The following UBE2V1 variants were observed in gnomAD, a reference collection of about 807,000 sequenced individuals.
UBE2V1 encodes the protein ubiquitin-conjugating enzyme E2 variant 1.
In UBE2V1, 15 loss-of-function variants were observed where a neutral mutation model predicts 19.6. The ratio of observed to expected loss-of-function variants is 0.77; its 90% CI spans 0.51 to 1.18. The LOEUF (loss-of-function observed/expected upper bound fraction) is 1.18, where lower values mean the gene tolerates loss of function less well. Ranked by LOEUF, UBE2V1 falls within the 50% of genes most tolerant of loss-of-function variation. The probability of loss-of-function intolerance (pLI) is 0.00; values close to 1 mark genes in which losing one functional copy is unlikely to be tolerated. For synonymous variants in UBE2V1, 60 were observed against 60.7 expected, an observed-to-expected ratio of 0.99 and a Z score of 0.05; for missense variants, 125 against 184.8, an observed-to-expected ratio of 0.68 and a Z score of 1.88.
chr20:50,087,802 T>C (rs1428477522), intron 2 of UBE2V1, among the ~76,000 whole-genome samples: 2 of 152,180 alleles, frequency 1.3e-5, no homozygotes, highest in Non-Finnish European at 2.9e-5. Context: ...CAAGGGACTA[T>C]ATGAACATGG....
intron 2 of UBE2V1, 55 bp downstream of exon 2, chr20:50,096,617 A>G (rs2079642158): frequency 4.4e-6 from 7 of 1,607,636 alleles, no homozygotes; most frequent in Non-Finnish European, 5.9e-6. Context: ...ATTTTTTAAA[A>G]GGAGGCACAG....
chr20:50,086,051 A>G (rs1394673656), intron 2 of UBE2V1, among the ~76,000 whole-genome samples: 1 of 152,134 alleles, frequency 6.6e-6, no homozygotes, highest in Non-Finnish European at 1.5e-5. Context: ...AGCCAGACCA[A>G]CGTCTTAAAA....
Position 50,095,405 on chromosome 20 carries a change from G to A in UBE2V1, c.171+1267C>T, listed in dbSNP as rs1227470913. Reference sequence around the variant, plus strand: ...ATTCTGGTTTTCACAGGAAAAAAAGGATAAAGAAATGAGTAAAAACAGATC... The same window carrying A: ...ATTCTGGTTTTCACAGGAAAAAAAGAATAAAGAAATGAGTAAAAACAGATC... On this transcript the variant is annotated intron_variant, in intron 2 of 3. Coordinates refer to ENST00000371674, the MANE Select transcript of UBE2V1 (RefSeq NM_001032288.3). 4 of 152,238 alleles carry A rather than the reference G, an allele frequency of 2.6e-5. No individual in the cohort carries two copies. In the Middle Eastern group the frequency reaches 0.01, roughly 388 times the overall value. The allele number at this position is 152,238 out of a possible 1,614,324, so 9.4% of individuals were successfully genotyped here. A position where few individuals can be genotyped will look rare whatever the true frequency, so the allele number is the denominator to read the frequency against.
In UBE2V1 at chr20:50,085,141, C is replaced by T. The variant is rs145621767; in HGVS notation, c.172-887G>A. On this transcript the variant is annotated intron_variant, in intron 2 of 3. Transcript: ENST00000371674. ...CTGACCTCAGCTGATCTGCCCTCTT[C>T]GGCCTCCCAAAGTGCTGGGATTACA... 5.9e-3 allele frequency among the ~76,000 whole-genome samples: 898 copies of T among 152,118 alleles called. 12 individuals are homozygous for T. The highest frequency in any genetic ancestry group is 0.021 in the African/African-American group (859 of 41,494).
chr20:50,092,793 C>T (rs985980751), intron 2 of UBE2V1, among the ~76,000 whole-genome samples: 1 of 152,204 alleles, frequency 6.6e-6, no homozygotes, highest in African/African-American at 2.4e-5. Context: ...AAACAGCACA[C>T]ACATATGACT....
chr20:50,084,258 G>A lies in UBE2V1; in HGVS notation c.172-4C>T. Reference sequence around the variant, plus strand: ...ATATTCGGTTTTCATAAATTGTCTGGAAAAAAAGAGTACGGAGATGTCACG... The same window carrying A: ...ATATTCGGTTTTCATAAATTGTCTGAAAAAAAAGAGTACGGAGATGTCACG... On this transcript the variant is annotated splice_region_variant and splice_polypyrimidine_tract_variant and intron_variant, in intron 2 of 3. Transcript: ENST00000371674. 1 of 1,609,312 alleles carries A rather than the reference G, an allele frequency of 6.2e-7. No individual in the cohort carries two copies. The highest frequency in any genetic ancestry group is 1.1e-5 in the South Asian group (1 of 90,932).
chr20:50,100,993 C>T (rs1413300394), intron 1 of UBE2V1, among the ~76,000 whole-genome samples: 2 of 152,344 alleles, frequency 1.3e-5, no homozygotes, highest in Non-Finnish European at 1.5e-5. Context: ...TAATCCTATA[C>T]TTCCAACATA....
chr20:50,115,485 C>T (rs2080983381), upstream of UBE2V1: 7 of 1,580,092 alleles, frequency 4.4e-6, no homozygotes, highest in Non-Finnish European at 5.2e-6. Flanking sequence ...GTGGACTCAC[C>T]TTTGCAGTGA....
chr20:50,101,369 T>A (rs2079974716), intron 1 of UBE2V1, among the ~76,000 whole-genome samples: 1 of 151,696 alleles, frequency 6.6e-6, no homozygotes, highest in Non-Finnish European at 1.5e-5. Context: ...AACCTTTTGC[T>A]CTCAAGAATG....
chr20:50,095,788 C>T (rs2079582858), intron 2 of UBE2V1: 1 of 152,228 alleles, frequency 6.6e-6, no homozygotes, highest in Admixed American at 6.5e-5. Context: ...TTCTTGACTC[C>T]TACATCAAGT....
intron 3 of UBE2V1, 33 bp from the exon 4 acceptor site, chr20:50,082,947 C>A: frequency 6.3e-7 from 1 of 1,597,398 alleles, no homozygotes; most frequent in South Asian, 1.1e-5. Flanking sequence ...AAATTACTCT[C>A]AGACTCTCAA....
At chr20:50,088,541 T>C (rs2079050454) in intron 2 of UBE2V1, among the ~76,000 whole-genome samples, 2 of 152,110 alleles carry the variant, frequency 1.3e-5, no homozygotes, top group Admixed American at 6.5e-5. Context: ...ATCTCAGCAC[T>C]TTGGGAGGCC....
At chr20:50,113,258 C>G (rs1026119737), upstream of UBE2V1, 1 of 688,878 alleles carries the variant, frequency 1.5e-6, no homozygotes, top group Non-Finnish European at 2.1e-6. Flanking sequence ...ACCTGCACGA[C>G]CCGTGGCCTG....
At chr20:50,096,860 C>T in intron 1 of UBE2V1, 40 bp from the exon 2 acceptor site, 2 of 1,612,116 alleles carry the variant, frequency 1.2e-6, no homozygotes, top group Non-Finnish European at 1.7e-6. Context: ...CCAGCAACTC[C>T]AGGGGAACTT....
intron 2 of UBE2V1, among the ~76,000 whole-genome samples, chr20:50,094,176 T>A (rs1267520732): frequency 2.4e-5 from 3 of 124,002 alleles, no homozygotes; most frequent in African/African-American, 9.8e-5. Flanking sequence ...ATATTACATA[T>A]CATATATGTT....
intron 1 of UBE2V1, chr20:50,111,595 T>A: frequency 5.0e-6 from 5 of 999,922 alleles, no homozygotes; most frequent in Non-Finnish European, 4.8e-6. Context: ...GGATTCATGG[T>A]CTCCGCTATT....
At chr20:50,091,337 C>T (rs566583270) in intron 2 of UBE2V1, among the ~76,000 whole-genome samples, 3 of 151,636 alleles carry the variant, frequency 2.0e-5, no homozygotes, top group East Asian at 1.9e-4. Context: ...TGAATCACCA[C>T]ACCTGGGCTT....
chr20:50,105,674 C>G (rs972318359), intron 1 of UBE2V1, among the ~76,000 whole-genome samples: 2 of 152,184 alleles, frequency 1.3e-5, no homozygotes, highest in African/African-American at 4.8e-5. Context: ...ACAGGCCAGG[C>G]GCAGTGGCTC....
chr20:50,115,158 C>T (rs1014434623), upstream of UBE2V1: 4 of 229,140 alleles, frequency 1.7e-5, no homozygotes, highest in African/African-American at 6.8e-5. Flanking sequence ...TGTACCTCTG[C>T]GGCGACACTG....
Sources: gnomAD v4.1 joint callset for allele counts (sites outside exome capture counted in the v4.1 genomes callset) on GRCh38, gnomAD v4.1.1 for gene constraint, MANE v1.5 for transcripts, NCBI Gene and HGNC (gene_info 2026-07-23, HGNC 2026-07-21) for gene names.